DPP10: variants seen among roughly 807,000 people sequenced by gnomAD.
DPP10 encodes dipeptidyl peptidase like 10, also known as inactive dipeptidyl peptidase 10.
Under a neutral mutation model 120.9 loss-of-function variants are expected in DPP10, and 33 were observed. The ratio of observed to expected loss-of-function variants is 0.27; its 90% CI spans 0.21 to 0.37. The LOEUF (loss-of-function observed/expected upper bound fraction) is 0.37. Among genes scored for constraint, DPP10 ranks in the 10% least tolerant of loss-of-function variants. The pLI, the probability that DPP10 is intolerant of heterozygous loss-of-function variation, is 1.00. For synonymous variants in DPP10, 337 were observed against 326.1 expected, an observed-to-expected ratio of 1.03 and a Z score of -0.36; for missense variants, 816 against 942.8, an observed-to-expected ratio of 0.87 and a Z score of 1.76.
At chr2:114,566,033 A>G (rs892944407) in intron 1 of DPP10, among the ~76,000 whole-genome samples, 1 of 152,246 alleles carries the variant, frequency 6.6e-6, no homozygotes, top group African/African-American at 2.4e-5. Context: ...TATAATTCAG[A>G]CATATGAGAA....
intron 1 of DPP10, among the ~76,000 whole-genome samples, chr2:115,197,230 A>G (rs1308112297): frequency 1.3e-5 from 2 of 152,034 alleles, no homozygotes; most frequent in Non-Finnish European, 2.9e-5. Context: ...CATCTCTACT[A>G]AAAATACAAA....
At chr2:115,765,695 A>G (rs1316261343) in intron 12 of DPP10, among the ~76,000 whole-genome samples, 1 of 152,172 alleles carries the variant, frequency 6.6e-6, no homozygotes, top group Non-Finnish European at 1.5e-5. Flanking sequence ...AAGTTGTTCC[A>G]GACAAAAGAA....
At chr2:114,924,087 T>G (rs1166661002) in intron 1 of DPP10, among the ~76,000 whole-genome samples, 1 of 152,172 alleles carries the variant, frequency 6.6e-6, no homozygotes, top group African/African-American at 2.4e-5. Context: ...ACTTGCTTTC[T>G]GTGGCTGCCC....
chr2:114,640,799 T>C (rs1043191018), intron 1 of DPP10, among the ~76,000 whole-genome samples: 2 of 151,966 alleles, frequency 1.3e-5, no homozygotes, highest in East Asian at 3.9e-4. Flanking sequence ...GCTTTCCTTC[T>C]TGGTATGTTA....
chr2:115,005,542 A>G (rs1477742653), intron 1 of DPP10, among the ~76,000 whole-genome samples: 1 of 151,856 alleles, frequency 6.6e-6, no homozygotes, highest in African/African-American at 2.4e-5. Flanking sequence ...GGAGCTGAAA[A>G]CCAAGGCTCG....
At position 115,499,539 on chromosome 2, in the gene DPP10, G is replaced by A. The variant is rs2148788137; in HGVS notation, c.301G>A (p.Gly101Arg). The A allele has an allele frequency of 6.2e-7, 1 of 1,611,524 alleles. No individual in the cohort carries two copies. The highest frequency in any genetic ancestry group is 8.5e-7 in the Non-Finnish European group (1 of 1,178,534). Residue 101 changes from glycine to arginine, a missense_variant, in exon 4 of 26, where the codon GGA (glycine) becomes AGA (arginine). Around this residue, in one of 3 missense-constraint regions of DPP10, gnomAD observed 182 missense variants for 207.4 expected, o/e 0.88. Coordinates refer to ENST00000410059, the MANE Select transcript of DPP10 (RefSeq NM_020868.6). ...AGATGTGGTGTATAAAAGCGAGAATGGACATGTCATTAAACTGAATATAGA... is the reference window on the plus strand; with the variant it reads ...AGATGTGGTGTATAAAAGCGAGAATAGACATGTCATTAAACTGAATATAGA... ...DTDVVYKSEN[G>R]HVIKLNIETN...
rs1188591464 is a variant in DPP10, at chr2:115,362,449, C to CT, written c.271+18545dup. Reference sequence around the variant, plus strand: ...AACACAGAGATAAATTGAATCTATACTTTTTTTTAACTTATATGTATAATA... The same window carrying CT: ...AACACAGAGATAAATTGAATCTATACTTTTTTTTTAACTTATATGTATAATA... On this transcript the variant is annotated intron_variant, in intron 3 of 25. Transcript: ENST00000410059. Among the ~76,000 whole-genome samples the CT allele has an allele frequency of 4.6e-5, 7 of 151,980 alleles. No homozygotes were observed. In the East Asian group the frequency reaches 5.8e-4, roughly 13 times the overall value.
At chr2:115,224,759 A>G (rs56045219) in intron 1 of DPP10, among the ~76,000 whole-genome samples, 7 of 152,216 alleles carry the variant, frequency 4.6e-5, no homozygotes, top group Non-Finnish European at 8.8e-5. Context: ...TTTATTTTTT[A>G]AAATCATGTT....
chr2:114,480,075 C>T (rs531867444), intron 1 of DPP10, among the ~76,000 whole-genome samples: 33 of 152,124 alleles, frequency 2.2e-4, no homozygotes, highest in African/African-American at 7.0e-4. Flanking sequence ...TTTCTCAAGA[C>T]ATTTATGCAG....
chr2:115,420,838 T>C (rs2069879413), intron 3 of DPP10, among the ~76,000 whole-genome samples: 3 of 152,102 alleles, frequency 2.0e-5, no homozygotes, highest in Admixed American at 6.6e-5. Context: ...GGGGAAAATA[T>C]CGAATACCTA....
Position 115,308,015 on chromosome 2 carries a change from G to A in DPP10, c.61-1224G>A, listed in dbSNP as rs574989473. ...TCAGAATGAAAGACTAACTTAGAGCGATTTATCTGAGAAGGGAAACAACAA... is the reference window on the plus strand; with the variant it reads ...TCAGAATGAAAGACTAACTTAGAGCAATTTATCTGAGAAGGGAAACAACAA... On this transcript the variant is annotated intron_variant, in intron 1 of 25. Transcript: ENST00000410059. Among the ~76,000 whole-genome samples the A allele has an allele frequency of 2.0e-5, 3 of 152,188 alleles. No homozygotes were observed. The East Asian group carries it at 5.8e-4, about 29-fold the overall frequency.
At chr2:115,737,134 C>A (rs1196018671) in intron 8 of DPP10, among the ~76,000 whole-genome samples, 2 of 152,136 alleles carry the variant, frequency 1.3e-5, no homozygotes, top group East Asian at 3.9e-4. Flanking sequence ...ATCCTGCAGA[C>A]CTGCCATAAA....
chr2:114,730,794 C>G (rs377625128), intron 1 of DPP10, among the ~76,000 whole-genome samples: 4 of 151,940 alleles, frequency 2.6e-5, no homozygotes, highest in South Asian at 2.1e-4. Flanking sequence ...GGGTTTCACC[C>G]TGTTAGGCTG....
intron 1 of DPP10, among the ~76,000 whole-genome samples, chr2:114,926,566 A>G (rs997059863): frequency 2.0e-5 from 3 of 152,234 alleles, no homozygotes; most frequent in African/African-American, 7.2e-5. Context: ...GACAAGCCTC[A>G]GGAAAATACT....
chr2:115,355,230 T>C (rs1331765912), intron 3 of DPP10, among the ~76,000 whole-genome samples: 2 of 152,190 alleles, frequency 1.3e-5, no homozygotes, highest in Non-Finnish European at 1.5e-5. Flanking sequence ...CTATTGTTTC[T>C]TAACTTTTTA....
chr2:115,612,816 G>A (rs2084211996), intron 5 of DPP10, among the ~76,000 whole-genome samples: 1 of 151,186 alleles, frequency 6.6e-6, no homozygotes, highest in South Asian at 2.1e-4. Flanking sequence ...AGAGAGAGTG[G>A]TATATTTAGC....
intron 1 of DPP10, among the ~76,000 whole-genome samples, chr2:114,646,859 T>C (rs1019977269): frequency 1.3e-5 from 2 of 152,204 alleles, no homozygotes; most frequent in South Asian, 4.1e-4. Context: ...TCTGTAAAGA[T>C]TCTCTCTGGA....
At chr2:115,809,801 C>T (rs1198579762) in intron 19 of DPP10, among the ~76,000 whole-genome samples, 1 of 152,130 alleles carries the variant, frequency 6.6e-6, no homozygotes, top group East Asian at 1.9e-4. Context: ...GAAGTCCTCT[C>T]GTTAGAATAA....
chr2:115,289,270 G>A (rs1303677294), intron 1 of DPP10, among the ~76,000 whole-genome samples: 1 of 151,846 alleles, frequency 6.6e-6, no homozygotes, highest in East Asian at 1.9e-4. Flanking sequence ...ACTACAAAAC[G>A]CTGATGAAAG....
Sources: allele counts gnomAD v4.1 joint callset (sites outside exome capture counted in the v4.1 genomes callset), GRCh38; gene constraint gnomAD v4.1.1; regional missense constraint gnomAD v4.1.1; transcripts MANE v1.5; gene names NCBI Gene and HGNC (gene_info 2026-07-23, HGNC 2026-07-21).